Variants in INTS9 observed in about 807,000 individuals in gnomAD.
INTS9 encodes the protein protein related to CPSF subunits of 74 kDa.
INTS9 carries 55 observed loss-of-function variants against 79.7 expected under a neutral mutation model. That is an observed-to-expected ratio of 0.69 (90% CI 0.56 to 0.86). The LOEUF (loss-of-function observed/expected upper bound fraction) is 0.86, where lower values mean the gene tolerates loss of function less well. Ranked by LOEUF, INTS9 falls within the 40% of genes least tolerant of loss-of-function variation. INTS9 has a pLI of 0.00. For missense variants in INTS9, 721 were observed against 831.5 expected (o/e 0.87, Z 1.64); for synonymous variants, 319 against 325.2 (o/e 0.98, Z 0.20).
At chr8:28,810,270 GA>G in intron 8 of INTS9, 2 of 158,260 alleles carry the variant, frequency 1.3e-5, no homozygotes, top group Non-Finnish European at 2.8e-5. Flanking sequence ...CAATCTTCTG[GA>G]AAAAGGCTAA....
chr8:28,861,256 CAG>C, intron 1 of INTS9, among the ~76,000 whole-genome samples: 1 of 152,248 alleles, frequency 6.6e-6, no homozygotes, highest in African/African-American at 2.4e-5. Context: ...CTAATTAAGA[CAG>C]AGATATTCCT....
chr8:28,773,264 C>A (rs962478236), intron 14 of INTS9, among the ~76,000 whole-genome samples: 1 of 152,064 alleles, frequency 6.6e-6, no homozygotes, highest in African/African-American at 2.4e-5. Flanking sequence ...GAGATTGAGA[C>A]CATCCTGGCT....
At chr8:28,816,037 A>G (rs916524403) in intron 6 of INTS9, among the ~76,000 whole-genome samples, 10 of 152,128 alleles carry the variant, frequency 6.6e-5, no homozygotes, top group Non-Finnish European at 1.2e-4. Flanking sequence ...TTTAATAGCA[A>G]TGTTTAATAT....
At chr8:28,818,830 G>T (rs1563273160) in intron 6 of INTS9, among the ~76,000 whole-genome samples, 2 of 151,262 alleles carry the variant, frequency 1.3e-5, no homozygotes, top group Admixed American at 6.6e-5. Context: ...CAATTTCAGA[G>T]CCTGTTATTG....
At chr8:28,769,576 C>T in intron 16 of INTS9, 1 of 217,798 alleles carries the variant, frequency 4.6e-6, no homozygotes, top group Non-Finnish European at 9.1e-6. Flanking sequence ...AAGACTCTGG[C>T]AGGGCCGGGT....
intron 8 of INTS9, 103 bp downstream of exon 8, chr8:28,812,224 C>A: frequency 8.4e-7 from 1 of 1,189,706 alleles, no homozygotes; most frequent in South Asian, 1.4e-5. Flanking sequence ...TGTAGAAAAC[C>A]ATATTTGGAA....
chr8:28,822,381 G>C (rs558121652), intron 6 of INTS9, among the ~76,000 whole-genome samples: 1 of 152,278 alleles, frequency 6.6e-6, no homozygotes, highest in South Asian at 2.1e-4. Flanking sequence ...AGTGGCTGCA[G>C]ATATTTTAAG....
At position 28,775,774 on chromosome 8, in the gene INTS9, G is replaced by A. The variant is rs755411492; in HGVS notation, c.1548C>T (p.Ile516=). The A allele has an allele frequency of 3.7e-5, 59 of 1,613,924 alleles. No individual in the cohort carries two copies. In the South Asian group the frequency reaches 5.8e-4, roughly 16 times the overall value. ...ALPFKRRYEK[I]EIMPELADSL... is the part of the protein sequence containing the mutation. Reference sequence around the variant, plus strand: ...AACAGCTCACCTCTGGCATGATCTCGATCTTCTCGTACCGACGTTTGAAGG... The same window carrying A: ...AACAGCTCACCTCTGGCATGATCTCAATCTTCTCGTACCGACGTTTGAAGG... Residue 516 remains isoleucine (I), a synonymous_variant, in exon 14 of 17, where the codon ATC becomes ATT. Coordinates refer to ENST00000521022, the MANE Select transcript of INTS9 (RefSeq NM_018250.4).
chr8:28,801,503 A>C (rs979277433), intron 8 of INTS9, among the ~76,000 whole-genome samples: 1 of 67,616 alleles, frequency 1.5e-5, no homozygotes, highest in African/African-American at 5.2e-5. Context: ...ACAAACAAAC[A>C]AACAAAAAAA....
chr8:28,782,536 C>T (rs1013978265), intron 11 of INTS9, among the ~76,000 whole-genome samples: 2 of 152,244 alleles, frequency 1.3e-5, no homozygotes, highest in Non-Finnish European at 2.9e-5. Context: ...TGTGTGCACA[C>T]ATGCACACAT....
chr8:28,808,193 AT>A lies in INTS9; in HGVS notation c.744+4133del, dbSNP rs3054473. Among the ~76,000 whole-genome samples, 997 of 130,782 alleles carry A rather than the reference AT, an allele frequency of 7.6e-3. 7 individuals carry two copies. Among genetic ancestry groups the A allele is most frequent in the African/African-American group, 0.02 (713 of 35,160 alleles). The allele number at this position is 130,782 out of a possible 152,430, so 85.8% of individuals were successfully genotyped here. On this transcript the variant is annotated intron_variant, in intron 8 of 16. Coordinates refer to ENST00000521022, the MANE Select transcript of INTS9 (RefSeq NM_018250.4). ...CTTTGGCCCTCAGCCCTTTATTTAG[AT>A]TTTTTTTTTTTTTTTTTGAGACGGA...
intron 1 of INTS9, among the ~76,000 whole-genome samples, chr8:28,887,588 T>C (rs772552101): frequency 6.6e-6 from 1 of 152,238 alleles, no homozygotes; most frequent in African/African-American, 2.4e-5. Flanking sequence ...GCCTATTACA[T>C]ATTTCTGAAG....
chr8:28,843,010 G>C (rs1807281582), intron 4 of INTS9, among the ~76,000 whole-genome samples: 1 of 152,196 alleles, frequency 6.6e-6, no homozygotes, highest in Non-Finnish European at 1.5e-5. Flanking sequence ...CTTTGGAGGT[G>C]AACTCATGGG....
chr8:28,858,403 A>C (rs79661627), intron 2 of INTS9, among the ~76,000 whole-genome samples: 1 of 152,146 alleles, frequency 6.6e-6, no homozygotes, highest in Admixed American at 6.5e-5. Context: ...TCTCTGGGGG[A>C]AAAAGACAAT....
At chr8:28,859,623 A>G in intron 1 of INTS9, 60 bp from the exon 2 acceptor site, 1 of 1,553,214 alleles carries the variant, frequency 6.4e-7, no homozygotes. Context: ...TACAAAGTAA[A>G]GTGAATTAAA....
At chr8:28,876,963 CAT>C (rs1483588309) in intron 1 of INTS9, among the ~76,000 whole-genome samples, 33 of 152,036 alleles carry the variant, frequency 2.2e-4, no homozygotes, top group Non-Finnish European at 3.8e-4. Context: ...AAGGAAAAGA[CAT>C]GTCTTATTCT....
intron 8 of INTS9, among the ~76,000 whole-genome samples, chr8:28,806,918 A>C (rs986329659): frequency 6.6e-6 from 1 of 152,202 alleles, no homozygotes; most frequent in Non-Finnish European, 1.5e-5. Flanking sequence ...AAAAGCAAAC[A>C]CTGAAACACA....
rs561420411 is a variant in INTS9 at position 28,828,276 on chromosome 8, C to T, written c.488+7016G>A. ...GTCCACTTAGCTACCTTGCTTTCGT[C>T]AGAAAGGCAGTGTCTGAAAGTAAAT... is the stretch of plus-strand genomic sequence containing the variant. On this transcript the variant is annotated intron_variant, in intron 6 of 16. Transcript: ENST00000521022. Among the ~76,000 whole-genome samples the T allele has an allele frequency of 9.2e-5, 14 of 152,314 alleles. No individual in the cohort carries two copies. The South Asian group carries it at 2.9e-3, about 32-fold the overall frequency.
intron 2 of INTS9, among the ~76,000 whole-genome samples, chr8:28,859,058 C>G (rs888811052): frequency 6.6e-6 from 1 of 151,414 alleles, no homozygotes; most frequent in Non-Finnish European, 1.5e-5. Context: ...AAAGAAATGT[C>G]AGACTCTATG....
Sources: allele counts gnomAD v4.1 joint callset (sites outside exome capture counted in the v4.1 genomes callset), GRCh38; gene constraint gnomAD v4.1.1; transcripts MANE v1.5; gene names NCBI Gene and HGNC (gene_info 2026-07-23, HGNC 2026-07-21).